PSD3: variants seen among roughly 807,000 people sequenced by gnomAD.
PSD3 encodes the protein PH and SEC7 domain-containing protein 3.
A neutral mutation model predicts 105.5 loss-of-function variants in PSD3; 49 were observed. The observed-to-expected ratio is 0.46, with a 90% CI of 0.37 to 0.59. The LOEUF (loss-of-function observed/expected upper bound fraction) is 0.59, where lower values mean the gene tolerates loss of function less well. Ranked by LOEUF, PSD3 falls within the 20% of genes least tolerant of loss-of-function variation. The probability of loss-of-function intolerance (pLI) is 0.00; values close to 1 mark genes in which losing one functional copy is unlikely to be tolerated. For missense variants in PSD3, 1,561 were observed against 1,263.8 expected, an observed-to-expected ratio of 1.24 and a Z score of -3.57; for synonymous variants, 557 against 457.8, an observed-to-expected ratio of 1.22 and a Z score of -2.77.
At chr8:18,710,993 T>TA (rs75093545) in intron 9 of PSD3, among the ~76,000 whole-genome samples, 14,202 of 151,784 alleles carry the variant, frequency 0.094, 1,211 homozygotes, top group East Asian at 0.23. Flanking sequence ...TCAACATTCT[T>TA]AAAAAAAAGA....
chr8:18,918,468 C>A (rs1468520155), intron 2 of PSD3, among the ~76,000 whole-genome samples: 1 of 152,186 alleles, frequency 6.6e-6, no homozygotes, highest in African/African-American at 2.4e-5. Context: ...TCCAACCAGA[C>A]TTCACAGTCA....
intron 9 of PSD3, among the ~76,000 whole-genome samples, chr8:18,688,511 T>C (rs1001267769): frequency 1.3e-5 from 2 of 152,246 alleles, no homozygotes; most frequent in Non-Finnish European, 2.9e-5. Context: ...GAATGTATCA[T>C]ATTGTAACAG....
chr8:18,890,693 TGTCCTAG>T, intron 2 of PSD3, among the ~76,000 whole-genome samples: 1 of 152,234 alleles, frequency 6.6e-6, no homozygotes, highest in South Asian at 2.1e-4. Context: ...CCTCTATAAT[TGTCCTAG>T]AGCTACTTCA....
intron 2 of PSD3, among the ~76,000 whole-genome samples, chr8:18,933,819 C>T (rs17127464): frequency 0.041 from 6,299 of 152,212 alleles, 178 homozygotes; most frequent in Admixed American, 0.064. Context: ...AGTACCCTGT[C>T]AGGGAAAGAG....
chr8:18,842,529 C>T (rs541480056), intron 4 of PSD3, among the ~76,000 whole-genome samples: 13 of 152,154 alleles, frequency 8.5e-5, no homozygotes, highest in African/African-American at 2.6e-4. Context: ...GTCAGGAGAT[C>T]GAGACCATCC....
chr8:18,539,698 C>A (rs1022094029), intron 15 of PSD3, among the ~76,000 whole-genome samples: 5 of 151,748 alleles, frequency 3.3e-5, no homozygotes, highest in Admixed American at 6.6e-5. Context: ...CAGGCGTGCA[C>A]CACCAAGCCC....
intron 14 of PSD3, among the ~76,000 whole-genome samples, chr8:18,559,006 A>C (rs1409912474): frequency 6.6e-6 from 1 of 152,108 alleles, no homozygotes; most frequent in Non-Finnish European, 1.5e-5. Context: ...GACACATTAC[A>C]ATTTTGTTTA....
chr8:18,974,251 A>T (rs1451538966), intron 1 of PSD3, among the ~76,000 whole-genome samples: 2 of 152,336 alleles, frequency 1.3e-5, no homozygotes, highest in South Asian at 2.1e-4. Context: ...CCTTCCTCAA[A>T]CTCAGACAGT....
At chr8:18,705,135 T>A (rs1801811754) in intron 9 of PSD3, among the ~76,000 whole-genome samples, 1 of 152,196 alleles carries the variant, frequency 6.6e-6, no homozygotes, top group South Asian at 2.1e-4. Context: ...AACATCTGCA[T>A]TCATTCTTTG....
intron 7 of PSD3, among the ~76,000 whole-genome samples, chr8:18,800,697 T>C (rs73595749): frequency 0.036 from 5,552 of 152,280 alleles, 352 homozygotes; most frequent in African/African-American, 0.13. Context: ...CATAACCTCA[T>C]AGTTTATTAA....
chr8:18,581,969 G>C (rs980794620), intron 12 of PSD3, among the ~76,000 whole-genome samples: 1 of 152,188 alleles, frequency 6.6e-6, no homozygotes, highest in Non-Finnish European at 1.5e-5. Flanking sequence ...GTGTAACTCA[G>C]AGAAGCAAAA....
intron 2 of PSD3, among the ~76,000 whole-genome samples, chr8:18,905,436 G>A (rs1819778890): frequency 6.6e-6 from 1 of 152,134 alleles, no homozygotes; most frequent in Non-Finnish European, 1.5e-5. Flanking sequence ...CAATTCTCCT[G>A]TCTCAGCCAC....
chr8:18,539,692 C>A (rs975223731), intron 15 of PSD3, among the ~76,000 whole-genome samples: 1 of 151,638 alleles, frequency 6.6e-6, no homozygotes, highest in Non-Finnish European at 1.5e-5. Flanking sequence ...GGACTGCAGG[C>A]GTGCACCACC....
At chr8:18,773,972 T>A (rs1168818759) in intron 8 of PSD3, among the ~76,000 whole-genome samples, 2 of 152,232 alleles carry the variant, frequency 1.3e-5, no homozygotes, top group Admixed American at 6.5e-5. Context: ...TTCTCTAATA[T>A]CTTGATTTTT....
intron 11 of PSD3, among the ~76,000 whole-genome samples, chr8:18,625,275 A>G (rs1806396667): frequency 1.3e-5 from 2 of 151,946 alleles, no homozygotes; most frequent in Admixed American, 1.3e-4. Context: ...CTTACTTTCT[A>G]TATCATCCAT....
At chr8:18,631,532 CAG>C (rs2130763607) in intron 11 of PSD3, among the ~76,000 whole-genome samples, 1 of 152,054 alleles carries the variant, frequency 6.6e-6, no homozygotes, top group Non-Finnish European at 1.5e-5. Flanking sequence ...AAAAATCATG[CAG>C]AGATAGAAAT....
chr8:19,073,326 G>A (rs771725515), intron 1 of PSD3, among the ~76,000 whole-genome samples: 1 of 152,130 alleles, frequency 6.6e-6, no homozygotes, highest in African/African-American at 2.4e-5. Context: ...CAAGGCGGGC[G>A]GATCACTTGG....
At chr8:19,041,641 A>G (rs1285121186) in intron 1 of PSD3, among the ~76,000 whole-genome samples, 1 of 152,256 alleles carries the variant, frequency 6.6e-6, no homozygotes, top group Non-Finnish European at 1.5e-5. Context: ...GACGGCTAAA[A>G]TAACTGTAAG....
At chr8:18,797,778 A>C (rs941048977) in intron 8 of PSD3, among the ~76,000 whole-genome samples, 2 of 152,154 alleles carry the variant, frequency 1.3e-5, no homozygotes, top group African/African-American at 4.8e-5. Flanking sequence ...AATATTACTG[A>C]ATTTTTTTCC....
Sources: allele counts gnomAD v4.1 joint callset (sites outside exome capture counted in the v4.1 genomes callset), GRCh38; gene constraint gnomAD v4.1.1; transcripts MANE v1.5; gene names NCBI Gene and HGNC (gene_info 2026-07-23, HGNC 2026-07-21).